SEMA3D: variants seen among roughly 807,000 people sequenced by gnomAD.
SEMA3D encodes semaphorin-3D.
In SEMA3D, 84 loss-of-function variants were observed where a neutral mutation model predicts 100.1. The ratio of observed to expected loss-of-function variants is 0.84; its 90% CI spans 0.70 to 1.01. The LOEUF (loss-of-function observed/expected upper bound fraction) is 1.01. Ranked by LOEUF, SEMA3D falls within the 50% of genes least tolerant of loss-of-function variation. The pLI, the probability that SEMA3D is intolerant of heterozygous loss-of-function variation, is 0.00. For missense variants in SEMA3D, 875 were observed against 934.1 expected (o/e 0.94, Z 0.82); for synonymous variants, 312 against 320.7 (o/e 0.97, Z 0.29).
intron 7 of SEMA3D, 48 bp from the exon 8 acceptor site, chr7:85,065,600 G>C (rs758091881): frequency 3.3e-6 from 5 of 1,494,216 alleles, no homozygotes; most frequent in Non-Finnish European, 4.6e-6. Context: ...TACAGCAGTA[G>C]ATGCTATTTA....
upstream of SEMA3D, among the ~76,000 whole-genome samples, chr7:85,189,018 C>T (rs1791636938): frequency 6.6e-6 from 1 of 152,108 alleles, no homozygotes; most frequent in Admixed American, 6.6e-5. Flanking sequence ...GTTTGAGATG[C>T]TCAGACTTCA....
chr7:85,175,257 G>C (rs2116559233), intron 1 of SEMA3D, among the ~76,000 whole-genome samples: 1 of 152,224 alleles, frequency 6.6e-6, no homozygotes, highest in East Asian at 1.9e-4. Flanking sequence ...AATATGAAAA[G>C]ACACGTGATA....
intron 11 of SEMA3D, among the ~76,000 whole-genome samples, chr7:85,038,068 G>T (rs1205688543): frequency 7.8e-6 from 1 of 127,858 alleles, no homozygotes; most frequent in African/African-American, 2.8e-5. Flanking sequence ...GAGGGGGGAG[G>T]GACAGCATCT....
At chr7:85,223,418 G>T in the SEMA3D span, among the ~76,000 whole-genome samples, 1 of 152,060 alleles carries the variant, frequency 6.6e-6, no homozygotes, top group Admixed American at 6.6e-5. Flanking sequence ...ATGAAAAACA[G>T]ACTTGTACAG....
At chr7:85,028,229 T>C in intron 12 of SEMA3D, 1 of 687,754 alleles carries the variant, frequency 1.5e-6, no homozygotes, top group South Asian at 1.5e-5. Context: ...AAAGTCTACC[T>C]TGGGAAGACT....
chr7:85,191,103 A>G (rs1046871153), upstream of SEMA3D, among the ~76,000 whole-genome samples: 1 of 152,158 alleles, frequency 6.6e-6, no homozygotes, highest in African/African-American at 2.4e-5. Flanking sequence ...GTGAATAATT[A>G]AGTTCAGCAG....
intron 2 of SEMA3D, among the ~76,000 whole-genome samples, chr7:85,138,661 T>TA (rs1265234326): frequency 6.8e-6 from 1 of 146,306 alleles, no homozygotes; most frequent in African/African-American, 2.5e-5. Flanking sequence ...ATTTAATATA[T>TA]ATATTAAATT....
At chr7:85,073,789 T>C (rs1269332079) in intron 5 of SEMA3D, among the ~76,000 whole-genome samples, 1 of 152,204 alleles carries the variant, frequency 6.6e-6, no homozygotes, top group East Asian at 1.9e-4. Context: ...AGAATCAGAT[T>C]ATTTCTTGAT....
intron 1 of SEMA3D, among the ~76,000 whole-genome samples, chr7:85,178,778 T>C (rs1395051178): frequency 6.6e-6 from 1 of 152,194 alleles, no homozygotes; most frequent in African/African-American, 2.4e-5. Flanking sequence ...CTCCAGGGCA[T>C]GTCAGAGACT....
chr7:85,039,639 T>A (rs940447326), intron 11 of SEMA3D, among the ~76,000 whole-genome samples: 6 of 152,128 alleles, frequency 3.9e-5, no homozygotes, highest in African/African-American at 1.4e-4. Context: ...AAGACAGAAA[T>A]ACAGGAGTAG....
At chr7:85,151,072 T>C (rs894327787) in intron 2 of SEMA3D, among the ~76,000 whole-genome samples, 8 of 147,942 alleles carry the variant, frequency 5.4e-5, no homozygotes, top group African/African-American at 1.8e-4. Context: ...AACAGCACTG[T>C]TACCTACAAT....
At chr7:85,020,716 T>C (rs1345422677) in intron 13 of SEMA3D, among the ~76,000 whole-genome samples, 1 of 151,566 alleles carries the variant, frequency 6.6e-6, no homozygotes, top group Non-Finnish European at 1.5e-5. Flanking sequence ...TATATATTTA[T>C]TAAGTAGTTA....
chr7:85,180,316 T>C (rs148905302), intron 1 of SEMA3D, among the ~76,000 whole-genome samples: 235 of 152,224 alleles, frequency 1.5e-3, no homozygotes, highest in African/African-American at 5.2e-3. Context: ...AAGGACATGT[T>C]TGCTTCCCCT....
In SEMA3D at chr7:84,995,995, G is replaced by C. The variant is rs897794012; in HGVS notation, c.*3445C>G. ...AAATATCTTTTTTTTTTTTTGGTTT[G>C]TTTCTAAATTATCCATTCCCAATAA... On this transcript the variant is annotated 3_prime_UTR_variant, in exon 19 of 19. Transcript: ENST00000284136. The C allele has an allele frequency of 7.2e-6, 1 of 138,764 alleles. No individual in the cohort carries two copies. Among genetic ancestry groups the C allele is most frequent in the Non-Finnish European group, 1.6e-5 (1 of 63,482 alleles). 8.6% of individuals were successfully genotyped at this position (138,764 alleles called of 1,614,324 possible).
At chr7:85,053,114 G>T (rs2116062474) in intron 9 of SEMA3D, among the ~76,000 whole-genome samples, 1 of 152,040 alleles carries the variant, frequency 6.6e-6, no homozygotes, top group Middle Eastern at 3.4e-3. Context: ...GAGAACAAAT[G>T]AACTATAACA....
chr7:85,133,537 T>C (rs2116441028), intron 2 of SEMA3D, among the ~76,000 whole-genome samples: 1 of 152,118 alleles, frequency 6.6e-6, no homozygotes. Context: ...TCAATTCAGA[T>C]AGTCTCTCAA....
intron 17 of SEMA3D, among the ~76,000 whole-genome samples, chr7:85,011,975 T>C (rs1397359776): frequency 2.0e-5 from 3 of 151,668 alleles, no homozygotes; most frequent in Non-Finnish European, 1.5e-5. Context: ...GGTGTGTGTG[T>C]GTGCATATAT....
intron 7 of SEMA3D, among the ~76,000 whole-genome samples, chr7:85,067,877 T>A (rs773014547): frequency 3.9e-5 from 6 of 152,164 alleles, no homozygotes; most frequent in Non-Finnish European, 5.9e-5. Flanking sequence ...AGGGAGATAT[T>A]ACAACATAAG....
At chr7:85,020,902 G>A (rs1790236505) in intron 13 of SEMA3D, among the ~76,000 whole-genome samples, 1 of 151,466 alleles carries the variant, frequency 6.6e-6, no homozygotes, top group African/African-American at 2.4e-5. Context: ...AATTATTTAA[G>A]TTCAACTTAA....
Sources: gnomAD v4.1 joint callset for allele counts (sites outside exome capture counted in the v4.1 genomes callset) on GRCh38, gnomAD v4.1.1 for gene constraint, MANE v1.5 for transcripts, NCBI Gene and HGNC (gene_info 2026-07-23, HGNC 2026-07-21) for gene names.